The following TTBK2 variants were observed in gnomAD, a reference collection of about 807,000 sequenced individuals.
TTBK2 encodes the protein tau-tubulin kinase 2.
TTBK2 carries 28 observed loss-of-function variants against 110.8 expected under a neutral mutation model. The observed-to-expected ratio is 0.25, with a 90% CI of 0.19 to 0.35. The LOEUF (loss-of-function observed/expected upper bound fraction) is 0.35. TTBK2 is among the 10% of genes least tolerant of loss of function. The pLI is 1.00. For missense variants in TTBK2, 1,369 were observed against 1,500.3 expected, an observed-to-expected ratio of 0.91 and a Z score of 1.45; for synonymous variants, 532 against 527.3, an observed-to-expected ratio of 1.01 and a Z score of -0.12.
rs117467851 is a variant in TTBK2 at position 42,860,217 on chromosome 15, C to A, written c.217+12394G>T. Among the ~76,000 whole-genome samples, 325 of 151,958 alleles carry A rather than the reference C, an allele frequency of 2.1e-3. 6 individuals carry two copies. The East Asian group carries it at 0.044, about 21-fold the overall frequency. On this transcript the variant is annotated intron_variant, in intron 3 of 14. Coordinates refer to ENST00000267890, the MANE Select transcript of TTBK2 (RefSeq NM_173500.4). ...AATTTCCCCAAGTTAATATCAAACA[C>A]CAAACCACAAATCCAGGAAATTCAG...
chr15:42,777,699 G>A (rs1318438862), intron 11 of TTBK2, among the ~76,000 whole-genome samples: 3 of 152,182 alleles, frequency 2.0e-5, no homozygotes, highest in Non-Finnish European at 4.4e-5. Flanking sequence ...CAAAAAGCCT[G>A]GGGGCCAGAC....
At chr15:42,810,500 G>A in intron 9 of TTBK2, 114 bp downstream of exon 9, 1 of 1,299,788 alleles carries the variant, frequency 7.7e-7, no homozygotes, top group Non-Finnish European at 1.1e-6. Context: ...TATTAAAACA[G>A]TCGTATTCTA....
intron 14 of TTBK2, among the ~76,000 whole-genome samples, chr15:42,747,889 A>G (rs1439082256): frequency 6.6e-6 from 1 of 152,190 alleles, no homozygotes; most frequent in East Asian, 1.9e-4. Context: ...AACTACTTGG[A>G]AAAAAACTTC....
chr15:42,842,405 G>A (rs1260700300), intron 3 of TTBK2, among the ~76,000 whole-genome samples: 1 of 152,126 alleles, frequency 6.6e-6, no homozygotes, highest in African/African-American at 2.4e-5. Context: ...GAGTCAAGGG[G>A]CAGAAGCCAG....
Position 42,744,248 on chromosome 15 carries a change from A to G in TTBK2, c.*1547T>C, listed in dbSNP as rs1332881997. 6.6e-6 allele frequency: 1 copy of G among 152,208 alleles called. No individual in the cohort carries two copies. Among genetic ancestry groups the G allele is most frequent in the African/African-American group, 2.4e-5 (1 of 41,454 alleles). The allele number at this position is 152,208 out of a possible 1,614,324, so 9.4% of individuals were successfully genotyped here. ...TTTTTTTAAAAAGCTCAACACAGAT[A>G]AAGAGAACAAGAGAAGTTCAGTGCA... On this transcript the variant is annotated 3_prime_UTR_variant, in exon 15 of 15. Coordinates refer to ENST00000267890, the MANE Select transcript of TTBK2 (RefSeq NM_173500.4).
chr15:42,809,959 T>C (rs1471656197), intron 9 of TTBK2, among the ~76,000 whole-genome samples: 2 of 152,250 alleles, frequency 1.3e-5, no homozygotes, highest in Admixed American at 6.5e-5. Flanking sequence ...AAGGATGATA[T>C]ACTAATACAT....
At chr15:42,845,567 G>C (rs1298034653) in intron 3 of TTBK2, among the ~76,000 whole-genome samples, 1 of 150,300 alleles carries the variant, frequency 6.7e-6, no homozygotes, top group African/African-American at 2.5e-5. Flanking sequence ...CTGGGAGGCG[G>C]GGGTTGCAGT....
intron 6 of TTBK2, among the ~76,000 whole-genome samples, chr15:42,827,418 G>T (rs966924199): frequency 6.6e-6 from 1 of 152,138 alleles, no homozygotes; most frequent in African/African-American, 2.4e-5. Flanking sequence ...TACACATAGG[G>T]GGAAAAAGGC....
At chr15:42,912,278 G>A (rs2030804288) in intron 1 of TTBK2, among the ~76,000 whole-genome samples, 1 of 152,008 alleles carries the variant, frequency 6.6e-6, no homozygotes. Context: ...AATGTAAGAG[G>A]AAAAAGAGTC....
At chr15:42,893,784 C>G (rs1188110680) in intron 1 of TTBK2, among the ~76,000 whole-genome samples, 1 of 151,788 alleles carries the variant, frequency 6.6e-6, no homozygotes, top group African/African-American at 2.4e-5. Context: ...AGGAATGAAA[C>G]AGGGGTTATC....
intron 1 of TTBK2, among the ~76,000 whole-genome samples, chr15:42,912,514 G>A: frequency 6.6e-6 from 1 of 152,092 alleles, no homozygotes; most frequent in East Asian, 1.9e-4. Context: ...TTCAAGACCA[G>A]TCTGGCCAAC....
chr15:42,910,622 C>T (rs72719491), intron 1 of TTBK2, among the ~76,000 whole-genome samples: 66 of 152,222 alleles, frequency 4.3e-4, no homozygotes, highest in Non-Finnish European at 7.1e-4. Context: ...CATAGCTTTG[C>T]CCTCAATGAG....
intron 5 of TTBK2, 36 bp from the exon 6 acceptor site, chr15:42,828,068 A>G: frequency 6.8e-7 from 1 of 1,462,844 alleles, no homozygotes; most frequent in Non-Finnish European, 9.5e-7. Flanking sequence ...ATACATTCTT[A>G]TAATACTTAG....
At chr15:42,873,295 G>A (rs1217978983) in intron 2 of TTBK2, among the ~76,000 whole-genome samples, 2 of 152,062 alleles carry the variant, frequency 1.3e-5, no homozygotes, top group Non-Finnish European at 2.9e-5. Context: ...TTAGCCAGGC[G>A]TGGTGGTACA....
intron 10 of TTBK2, among the ~76,000 whole-genome samples, chr15:42,787,266 T>C (rs1489884837): frequency 6.6e-6 from 1 of 152,222 alleles, no homozygotes; most frequent in Admixed American, 6.5e-5. Flanking sequence ...TGACCCTTTA[T>C]AGATAAAGCT....
At chr15:42,775,748 T>C in intron 12 of TTBK2, 25 bp from the exon 13 acceptor site, 9 of 1,578,384 alleles carry the variant, frequency 5.7e-6, no homozygotes, top group Non-Finnish European at 7.8e-6. Context: ...AAGAAGTTAC[T>C]CAACTGTCCT....
At chr15:42,811,278 G>T (rs1359323460) in intron 8 of TTBK2, among the ~76,000 whole-genome samples, 1 of 152,164 alleles carries the variant, frequency 6.6e-6, no homozygotes, top group Admixed American at 6.5e-5. Context: ...ATAGATGTGA[G>T]CCATTGCACC....
At chr15:42,814,131 C>T (rs1891842673) in intron 7 of TTBK2, among the ~76,000 whole-genome samples, 1 of 151,900 alleles carries the variant, frequency 6.6e-6, no homozygotes, top group Admixed American at 6.6e-5. Flanking sequence ...CAGCAATTCT[C>T]CTGCCTCAGC....
intron 11 of TTBK2, among the ~76,000 whole-genome samples, chr15:42,778,879 AT>A (rs1330422753): frequency 6.6e-6 from 1 of 152,228 alleles, no homozygotes; most frequent in Non-Finnish European, 1.5e-5. Flanking sequence ...TTATACAAAA[AT>A]ATGAATAAAA....
Sources: allele counts gnomAD v4.1 joint callset (sites outside exome capture counted in the v4.1 genomes callset), GRCh38; gene constraint gnomAD v4.1.1; transcripts MANE v1.5; gene names NCBI Gene and HGNC (gene_info 2026-07-23, HGNC 2026-07-21).